ABCD3: variants seen among roughly 807,000 people sequenced by gnomAD.
ABCD3 encodes the protein ATP-binding cassette sub-family D member 3.
In ABCD3, 41 loss-of-function variants were observed where a neutral mutation model predicts 105.5. That is an observed-to-expected ratio of 0.39 (90% CI 0.30 to 0.50). The LOEUF (loss-of-function observed/expected upper bound fraction) is 0.50. ABCD3 is among the 20% of genes least tolerant of loss of function. The probability of loss-of-function intolerance (pLI) is 0.84; values close to 1 mark genes in which losing one functional copy is unlikely to be tolerated. For missense variants in ABCD3, 622 were observed against 806.3 expected, an observed-to-expected ratio of 0.77 and a Z score of 2.77; for synonymous variants, 258 against 269.0, an observed-to-expected ratio of 0.96 and a Z score of 0.40.
chr1:94,461,073 G>A (rs1198692071), intron 2 of ABCD3, among the ~76,000 whole-genome samples: 1 of 152,046 alleles, frequency 6.6e-6, no homozygotes, highest in Non-Finnish European at 1.5e-5. Context: ...CAATAAAAAG[G>A]ACACAATATG....
In ABCD3 at chr1:94,418,745, C is replaced by T. The variant is rs946839785; in HGVS notation, c.110+157C>T. The T allele has an allele frequency of 8.6e-6, 6 of 701,588 alleles. No individual in the cohort carries two copies. In the African/African-American group the frequency reaches 1.1e-4, roughly 13 times the overall value. The allele number at this position is 701,588 out of a possible 1,614,324, so 43.5% of individuals were successfully genotyped here. ...CGTGGGACTTCAATGTCAGGGTGTC[C>T]GCGAGTCCCCGCCACGACGGCGTCG... On this transcript the variant is annotated intron_variant, in intron 1 of 22. Transcript: ENST00000370214.
intron 1 of ABCD3, among the ~76,000 whole-genome samples, chr1:94,446,951 A>C (rs1570756002): frequency 4.6e-5 from 7 of 152,382 alleles, no homozygotes; most frequent in African/African-American, 1.7e-4. Flanking sequence ...GCAATTAAAC[A>C]GCCCTTAGAG....
chr1:94,497,422 A>T (rs920060932), intron 16 of ABCD3, among the ~76,000 whole-genome samples: 7 of 152,232 alleles, frequency 4.6e-5, no homozygotes, highest in Non-Finnish European at 1.0e-4. Context: ...AAGGCAGGTT[A>T]CCAGCTAGGG....
At chr1:94,490,885 C>A (rs1649499618) in intron 15 of ABCD3, among the ~76,000 whole-genome samples, 1 of 152,072 alleles carries the variant, frequency 6.6e-6, no homozygotes, top group Admixed American at 6.5e-5. Flanking sequence ...GTCCCACCAA[C>A]AATGTACAAG....
rs768779896 is a variant in ABCD3 at position 94,489,714 on chromosome 1, T to C, written c.1158-11T>C. On this transcript the variant is annotated splice_polypyrimidine_tract_variant and intron_variant, in intron 13 of 22. Transcript: ENST00000370214. ...GAGTTTTGATTATGGTTTCCTTTTC[T>C]AAAATTTTAGTTTTACTGCTCGGAT... 6.2e-7 allele frequency: 1 copy of C among 1,606,122 alleles called. No homozygotes were observed. The highest frequency in any genetic ancestry group is 1.7e-5 in the Admixed American group (1 of 59,798).
chr1:94,509,389 G>A (rs565735610), intron 21 of ABCD3, among the ~76,000 whole-genome samples: 1 of 152,172 alleles, frequency 6.6e-6, no homozygotes, highest in South Asian at 2.1e-4. Flanking sequence ...TTCGGTTTGC[G>A]AGTATTTTAT....
intron 9 of ABCD3, 128 bp downstream of exon 9, chr1:94,480,734 C>A: frequency 9.8e-7 from 1 of 1,019,646 alleles, no homozygotes; most frequent in Non-Finnish European, 1.5e-6. Context: ...TGAAAATATA[C>A]ATTATGAAAG....
chr1:94,444,916 G>A (rs1310776698), intron 1 of ABCD3, among the ~76,000 whole-genome samples: 2 of 152,138 alleles, frequency 1.3e-5, no homozygotes, highest in Non-Finnish European at 2.9e-5. Flanking sequence ...CAGGTTTACC[G>A]GAATGAGGGC....
At chr1:94,514,912 C>T (rs1650853094) in intron 21 of ABCD3, 5 of 481,140 alleles carry the variant, frequency 1.0e-5, no homozygotes, top group Non-Finnish European at 1.9e-5. Context: ...TGTTTTTTGC[C>T]CAAAAGAAAA....
chr1:94,392,593 C>T, the ABCD3 span, among the ~76,000 whole-genome samples: 3 of 152,280 alleles, frequency 2.0e-5, no homozygotes, highest in East Asian at 5.8e-4. Context: ...CATTGATCAC[C>T]AGAGGGCATG....
chr1:94,453,323 CTTTTTTT>C (rs766404829), intron 1 of ABCD3, among the ~76,000 whole-genome samples: 7 of 135,468 alleles, frequency 5.2e-5, no homozygotes, highest in Admixed American at 7.4e-5. Flanking sequence ...TTATATTTTT[CTTTTTTT>C]TTTTTTTTGA....
At chr1:94,445,813 C>T (rs187968088) in intron 1 of ABCD3, among the ~76,000 whole-genome samples, 6 of 152,254 alleles carry the variant, frequency 3.9e-5, no homozygotes, top group South Asian at 4.1e-4. Flanking sequence ...CAGGATATAG[C>T]GTTGCGGTTA....
intron 16 of ABCD3, among the ~76,000 whole-genome samples, chr1:94,495,395 A>G (rs898822767): frequency 1.3e-5 from 2 of 152,108 alleles, no homozygotes; most frequent in African/African-American, 2.4e-5. Flanking sequence ...AGTAAATGTT[A>G]CTCTTGGCTT....
chr1:94,386,713 G>A, the ABCD3 span, among the ~76,000 whole-genome samples: 123 of 152,308 alleles, frequency 8.1e-4, no homozygotes, highest in Non-Finnish European at 1.5e-3. Flanking sequence ...TAAGCAGTCA[G>A]TTGAGTATTT....
chr1:94,412,614 C>T, the ABCD3 span, among the ~76,000 whole-genome samples: 1 of 152,190 alleles, frequency 6.6e-6, no homozygotes, highest in Non-Finnish European at 1.5e-5. Flanking sequence ...TGTGAGAATA[C>T]ATCTGCAGAG....
intron 1 of ABCD3, among the ~76,000 whole-genome samples, chr1:94,420,791 A>G (rs571499021): frequency 6.6e-6 from 1 of 152,272 alleles, no homozygotes; most frequent in Admixed American, 6.5e-5. Flanking sequence ...GGGCTTTTGA[A>G]TATCTTTGGT....
the ABCD3 span, among the ~76,000 whole-genome samples, chr1:94,386,846 C>T: frequency 4.0e-4 from 61 of 152,198 alleles, no homozygotes; most frequent in Non-Finnish European, 4.6e-4. Flanking sequence ...CAGAGTAAGA[C>T]TCCATCTCAA....
chr1:94,385,300 G>T, the ABCD3 span, among the ~76,000 whole-genome samples: 3 of 152,164 alleles, frequency 2.0e-5, no homozygotes. Flanking sequence ...TCTAGAAAGT[G>T]TCCTGAGCAA....
At chr1:94,481,733 C>T (rs1649035851) in intron 9 of ABCD3, 1 of 152,252 alleles carries the variant, frequency 6.6e-6, no homozygotes, top group Non-Finnish European at 1.5e-5. Flanking sequence ...GGCCATCTCG[C>T]CTGGTGTGTC....
Sources: gnomAD v4.1 joint callset for allele counts (sites outside exome capture counted in the v4.1 genomes callset) on GRCh38, gnomAD v4.1.1 for gene constraint, MANE v1.5 for transcripts, NCBI Gene and HGNC (gene_info 2026-07-23, HGNC 2026-07-21) for gene names.